Variants in ZBTB20 observed in about 807,000 individuals in gnomAD.
ZBTB20 encodes zinc finger and BTB domain-containing protein 20.
A neutral mutation model predicts 56.9 loss-of-function variants in ZBTB20; 9 were observed. The observed-to-expected ratio is 0.16, with a 90% CI of 0.10 to 0.28. The LOEUF is 0.28. Among genes scored for constraint, ZBTB20 ranks in the 10% least tolerant of loss-of-function variants. The pLI is 1.00. For missense variants in ZBTB20, 655 were observed against 1,003.0 expected (o/e 0.65, Z 4.69); for synonymous variants, 417 against 420.7 (o/e 0.99, Z 0.11).
chr3:114,747,950 ACC>A (rs1560201152), intron 5 of ZBTB20, among the ~76,000 whole-genome samples: 95 of 140,948 alleles, frequency 6.7e-4, no homozygotes, highest in African/African-American at 2.8e-3. Flanking sequence ...AAAAAAAAAA[ACC>A]AAGATTGAGA....
intron 1 of ZBTB20, among the ~76,000 whole-genome samples, chr3:115,098,777 G>A (rs188135865): frequency 1.3e-5 from 2 of 152,282 alleles, no homozygotes; most frequent in African/African-American, 2.4e-5. Flanking sequence ...AGTGTCCCAG[G>A]TGGGTTAAGA....
chr3:114,343,323 C>G (rs901387103), intron 11 of ZBTB20, among the ~76,000 whole-genome samples: 3 of 152,002 alleles, frequency 2.0e-5, no homozygotes, highest in Admixed American at 2.0e-4. Flanking sequence ...ATTTTTTTCC[C>G]CTCATTTTAA....
chr3:114,768,066 A>C (rs2068908082), intron 5 of ZBTB20, among the ~76,000 whole-genome samples: 1 of 152,164 alleles, frequency 6.6e-6, no homozygotes, highest in Non-Finnish European at 1.5e-5. Flanking sequence ...CCATTAGCTT[A>C]ATATGAAAAA....
chr3:114,924,276 C>A (rs567787528), intron 3 of ZBTB20, among the ~76,000 whole-genome samples: 39 of 152,160 alleles, frequency 2.6e-4, no homozygotes, highest in Admixed American at 3.3e-4. Context: ...CAGCATTATT[C>A]ATAATACCCA....
intron 6 of ZBTB20, among the ~76,000 whole-genome samples, chr3:114,681,212 T>C (rs998585710): frequency 6.6e-6 from 1 of 151,110 alleles, no homozygotes; most frequent in African/African-American, 2.4e-5. Flanking sequence ...CAGATTGCAG[T>C]GCAGTGGTGC....
intron 5 of ZBTB20, among the ~76,000 whole-genome samples, chr3:114,766,969 A>G (rs942814953): frequency 6.6e-6 from 1 of 152,102 alleles, no homozygotes; most frequent in African/African-American, 2.4e-5. Context: ...TTCCCTCTTT[A>G]TGGTAATAGG....
chr3:114,623,492 G>A (rs1224231987), intron 6 of ZBTB20, among the ~76,000 whole-genome samples: 3 of 152,080 alleles, frequency 2.0e-5, no homozygotes, highest in African/African-American at 7.2e-5. Context: ...TTGATACTAT[G>A]AATGCAGAAG....
intron 3 of ZBTB20, among the ~76,000 whole-genome samples, chr3:114,928,238 G>A (rs546552929): frequency 4.6e-5 from 7 of 152,288 alleles, no homozygotes; most frequent in Admixed American, 2.0e-4. Flanking sequence ...TGAGGCATCC[G>A]GGGCACACCC....
At chr3:114,616,064 T>A (rs974791919) in intron 6 of ZBTB20, among the ~76,000 whole-genome samples, 1 of 152,206 alleles carries the variant, frequency 6.6e-6, no homozygotes, top group African/African-American at 2.4e-5. Flanking sequence ...ATTCACTGGA[T>A]AACACATCTA....
intron 3 of ZBTB20, among the ~76,000 whole-genome samples, chr3:114,959,592 T>C (rs1284971598): frequency 6.6e-6 from 1 of 152,118 alleles, no homozygotes; most frequent in Admixed American, 6.6e-5. Context: ...TTGTTTTGTT[T>C]GTATGCCAAA....
intron 7 of ZBTB20, among the ~76,000 whole-genome samples, chr3:114,472,302 A>G (rs1265018259): frequency 6.6e-6 from 1 of 152,204 alleles, no homozygotes; most frequent in African/African-American, 2.4e-5. Context: ...CAGATTTTCC[A>G]AATTCCAACC....
At chr3:114,827,014 C>T (rs1318804359) in intron 4 of ZBTB20, among the ~76,000 whole-genome samples, 1 of 151,312 alleles carries the variant, frequency 6.6e-6, no homozygotes, top group Non-Finnish European at 1.5e-5. Context: ...GGTTTTTTTC[C>T]CTAAAGTGGG....
At chr3:114,356,343 G>A (rs1384795242) in intron 10 of ZBTB20, among the ~76,000 whole-genome samples, 1 of 152,138 alleles carries the variant, frequency 6.6e-6, no homozygotes, top group Admixed American at 6.5e-5. Context: ...GAGAAAATGA[G>A]CAAGAAAGGA....
At chr3:114,409,454 C>T (rs1029198802) in intron 7 of ZBTB20, among the ~76,000 whole-genome samples, 6 of 151,808 alleles carry the variant, frequency 4.0e-5, no homozygotes, top group South Asian at 2.1e-4. Flanking sequence ...ACTGATTAAA[C>T]GGTATGTTCA....
At chr3:114,551,451 T>C (rs1388477600) in intron 6 of ZBTB20, among the ~76,000 whole-genome samples, 1 of 152,148 alleles carries the variant, frequency 6.6e-6, no homozygotes. Context: ...GGGCGGGTGG[T>C]ATATACAAGT....
At chr3:114,430,888 C>A (rs1162318877) in intron 7 of ZBTB20, among the ~76,000 whole-genome samples, 15 of 152,158 alleles carry the variant, frequency 9.9e-5, no homozygotes, top group Admixed American at 9.8e-4. Flanking sequence ...GGCATTCTCA[C>A]TGCCTCTACT....
intron 4 of ZBTB20, among the ~76,000 whole-genome samples, chr3:114,889,406 A>G (rs2076724050): frequency 6.6e-6 from 1 of 152,038 alleles, no homozygotes; most frequent in Non-Finnish European, 1.5e-5. Context: ...TGGGAACAAA[A>G]GGTTCTTACA....
At chr3:114,978,279 TAA>T (rs1161251714) in intron 2 of ZBTB20, among the ~76,000 whole-genome samples, 2 of 148,418 alleles carry the variant, frequency 1.3e-5, no homozygotes, top group East Asian at 3.9e-4. Flanking sequence ...AAACTATATA[TAA>T]AATAGTAATA....
chr3:114,861,027 T>G (rs895869949), intron 4 of ZBTB20, among the ~76,000 whole-genome samples: 2 of 152,204 alleles, frequency 1.3e-5, no homozygotes, highest in Non-Finnish European at 2.9e-5. Flanking sequence ...GCTCATTAAG[T>G]ACTTCTTTGC....
Sources: gnomAD v4.1 joint callset for allele counts (sites outside exome capture counted in the v4.1 genomes callset) on GRCh38, gnomAD v4.1.1 for gene constraint, MANE v1.5 for transcripts, NCBI Gene and HGNC (gene_info 2026-07-23, HGNC 2026-07-21) for gene names.